The following TRPS1 variants were observed in gnomAD, a reference collection of about 807,000 sequenced individuals.
TRPS1 encodes zinc finger transcription factor Trps1.
In TRPS1, 6 loss-of-function variants were observed where a neutral mutation model predicts 101.2. The observed-to-expected ratio is 0.06, with a 90% CI of 0.03 to 0.12. TRPS1 has a LOEUF of 0.12. Among genes scored for constraint, TRPS1 ranks in the 10% least tolerant of loss-of-function variants. The pLI, the probability that TRPS1 is intolerant of heterozygous loss-of-function variation, is 1.00. For missense variants in TRPS1, 1,363 were observed against 1,567.0 expected (o/e 0.87, Z 2.20); for synonymous variants, 578 against 589.8 (o/e 0.98, Z 0.29).
chr8:115,593,978 C>G (rs1468559123), intron 4 of TRPS1, among the ~76,000 whole-genome samples: 1 of 151,970 alleles, frequency 6.6e-6, no homozygotes, highest in Admixed American at 6.6e-5. Flanking sequence ...TCTATTGATT[C>G]CCCTCATCAC....
intron 5 of TRPS1, among the ~76,000 whole-genome samples, chr8:115,465,839 T>C (rs1814303831): frequency 6.6e-6 from 1 of 152,122 alleles, no homozygotes; most frequent in African/African-American, 2.4e-5. Flanking sequence ...AGCAATAACT[T>C]GTAAAATTAA....
chr8:115,592,185 A>G (rs1313580612), intron 4 of TRPS1, among the ~76,000 whole-genome samples: 1 of 152,186 alleles, frequency 6.6e-6, no homozygotes, highest in Non-Finnish European at 1.5e-5. Context: ...TAGAGATTCC[A>G]AGTCTTTCTT....
intron 5 of TRPS1, among the ~76,000 whole-genome samples, chr8:115,570,899 T>A (rs1817188495): frequency 6.6e-6 from 1 of 152,168 alleles, no homozygotes; most frequent in Non-Finnish European, 1.5e-5. Context: ...AAAAATAGAA[T>A]AACCAAGACT....
In TRPS1 at chr8:115,414,550, C is replaced by T. The variant is rs921616779; in HGVS notation, c.3358G>A (p.Glu1120Lys). 6.2e-7 allele frequency: 1 copy of T among 1,613,830 alleles called. No individual in the cohort carries two copies. The highest frequency in any genetic ancestry group is 1.3e-5 in the African/African-American group (1 of 74,910). Reference sequence around the variant, plus strand: ...CTCCAGAACCGCAGCCAATCAGCTTCACTCTGGAAGTCATTATGTACAAAG... The same window carrying T: ...CTCCAGAACCGCAGCCAATCAGCTTTACTCTGGAAGTCATTATGTACAAAG... The part of the protein sequence containing the change: ...LPFVHNDFQS[E>K]ADWLRFWSKY... The change falls in exon 7 of 7, where the codon GAA (glutamate) becomes AAA (lysine). Residue 1120 changes from glutamate (E) to lysine (K), a missense_variant. Glu to Lys is a moderately conservative substitution (Grantham distance 56). This residue lies in a region of TRPS1 where 307 missense variants were observed against 392.4 expected (regional missense o/e 0.78). Coordinates refer to ENST00000395715, the MANE Select transcript of TRPS1 (RefSeq NM_014112.5). The surrounding 1 kb of genome is among the most constrained non-coding windows in gnomAD (Gnocchi z 4.8).
At chr8:115,415,137 A>T in intron 6 of TRPS1, 53 bp from the exon 7 acceptor site, 2 of 1,531,012 alleles carry the variant, frequency 1.3e-6, no homozygotes, top group South Asian at 2.5e-5. Flanking sequence ...AATACATTAA[A>T]ATGCATTAAA....
intron 5 of TRPS1, among the ~76,000 whole-genome samples, chr8:115,584,045 A>T (rs1817512055): frequency 6.6e-6 from 1 of 152,080 alleles, no homozygotes. Context: ...AAAAAAAGTT[A>T]TCAGAAAGAC....
intron 5 of TRPS1, among the ~76,000 whole-genome samples, chr8:115,503,462 AC>A (rs1345170392): frequency 1.3e-5 from 2 of 152,180 alleles, no homozygotes; most frequent in African/African-American, 4.8e-5. Flanking sequence ...TAAGAAAAAT[AC>A]CAGAATTATT....
intron 1 of TRPS1, among the ~76,000 whole-genome samples, chr8:115,641,554 G>A (rs547723454): frequency 6.6e-6 from 1 of 152,224 alleles, no homozygotes; most frequent in South Asian, 2.1e-4. Context: ...CAAATTACCA[G>A]CCTATAGCAA....
chr8:115,641,760 G>A (rs2954563), intron 1 of TRPS1, among the ~76,000 whole-genome samples: 1 of 152,104 alleles, frequency 6.6e-6, no homozygotes, highest in Non-Finnish European at 1.5e-5. Flanking sequence ...CATGCCTGTA[G>A]TCTCAGCTAC....
chr8:115,536,021 A>C (rs1816311034), intron 5 of TRPS1, among the ~76,000 whole-genome samples: 1 of 152,114 alleles, frequency 6.6e-6, no homozygotes, highest in Non-Finnish European at 1.5e-5. Context: ...TTAAGACTGA[A>C]TTGTACAATA....
intron 5 of TRPS1, among the ~76,000 whole-genome samples, chr8:115,539,106 C>T (rs1473876806): frequency 6.6e-6 from 1 of 152,148 alleles, no homozygotes; most frequent in Non-Finnish European, 1.5e-5. Flanking sequence ...TTTGTTACTG[C>T]ATTCAGCTAA....
chr8:115,552,188 T>C (rs528789393), intron 5 of TRPS1, among the ~76,000 whole-genome samples: 1 of 152,216 alleles, frequency 6.6e-6, no homozygotes, highest in Non-Finnish European at 1.5e-5. Context: ...TTGACCTTTA[T>C]GTCACCAAAT....
rs199930062 is a variant in TRPS1, at chr8:115,506,404, A to AT, written c.2700+80596dup. ...ACTGATTTTGTTAATCAAACTCATC[A>AT]TTTTTTTTTCTCTTCTGTGTCAAGT... On this transcript the variant is annotated intron_variant, in intron 5 of 6. Coordinates refer to ENST00000395715, the MANE Select transcript of TRPS1 (RefSeq NM_014112.5). Among the ~76,000 whole-genome samples the AT allele has an allele frequency of 4.7e-4, 71 of 150,930 alleles. 1 individual carries two copies. Among genetic ancestry groups the AT allele is most frequent in the Middle Eastern group, 6.8e-3 (2 of 294 alleles).
intron 5 of TRPS1, among the ~76,000 whole-genome samples, chr8:115,572,441 C>T (rs1321791208): frequency 1.1e-5 from 1 of 89,086 alleles, no homozygotes; most frequent in Non-Finnish European, 2.0e-5. Context: ...ATTTCTACAA[C>T]ATTTTGCTAT....
At chr8:115,570,359 C>T (rs895784364) in intron 5 of TRPS1, among the ~76,000 whole-genome samples, 24 of 151,986 alleles carry the variant, frequency 1.6e-4, no homozygotes, top group Non-Finnish European at 2.2e-4. Flanking sequence ...TTTACACAGG[C>T]GGTACGGCAG....
In TRPS1 at chr8:115,646,954, A is replaced by G. The variant is rs567537403; in HGVS notation, c.-122+21591T>C. ...CTCCCCTACAGAAAGCAATACTAGAAGTTGAAGTGTTACAAATTAAAAAGA... is the reference window on the plus strand; with the variant it reads ...CTCCCCTACAGAAAGCAATACTAGAGGTTGAAGTGTTACAAATTAAAAAGA... On this transcript the variant is annotated intron_variant, in intron 1 of 6. Transcript: ENST00000395715. Among the ~76,000 whole-genome samples, 6 of 152,294 alleles carry G rather than the reference A, an allele frequency of 3.9e-5. No homozygotes were observed. The South Asian group carries it at 1.2e-3, about 32-fold the overall frequency.
chr8:115,428,205 G>A (rs1273214408), intron 5 of TRPS1, among the ~76,000 whole-genome samples: 1 of 152,112 alleles, frequency 6.6e-6, no homozygotes, highest in East Asian at 1.9e-4. Flanking sequence ...ATTACTGGCA[G>A]TTCTGAAAGG....
At chr8:115,442,550 C>CGTGCGTGTGT (rs34273681) in intron 5 of TRPS1, among the ~76,000 whole-genome samples, 3 of 145,014 alleles carry the variant, frequency 2.1e-5, no homozygotes, top group African/African-American at 7.6e-5. Context: ...AAGTATGGTG[C>CGTGCGTGTGT]GTGTGTGTGT....
At chr8:115,520,814 G>A (rs921144524) in intron 5 of TRPS1, among the ~76,000 whole-genome samples, 4 of 151,824 alleles carry the variant, frequency 2.6e-5, no homozygotes, top group South Asian at 2.1e-4. Flanking sequence ...TTATTGGACA[G>A]TATTAGCTTC....
Sources: gnomAD v4.1 joint callset for allele counts (sites outside exome capture counted in the v4.1 genomes callset) on GRCh38, gnomAD v4.1.1 for gene constraint, gnomAD v4.1.1 regional missense constraint, Gnocchi (gnomAD v3.1) non-coding constraint, MANE v1.5 for transcripts, NCBI Gene and HGNC (gene_info 2026-07-23, HGNC 2026-07-21) for gene names.